The following FBN2 variants were observed in gnomAD, a reference collection of about 807,000 sequenced individuals.
FBN2 encodes the protein fibrillin-2.
A neutral mutation model predicts 355.6 loss-of-function variants in FBN2; 105 were observed. That is an observed-to-expected ratio of 0.30 (90% CI 0.25 to 0.35). The LOEUF (loss-of-function observed/expected upper bound fraction) is 0.35. Ranked by LOEUF, FBN2 falls within the 10% of genes least tolerant of loss-of-function variation. The pLI is 1.00. For missense variants in FBN2, 3,280 were observed against 3,758.7 expected, an observed-to-expected ratio of 0.87 and a Z score of 3.33; for synonymous variants, 1,350 against 1,301.2, an observed-to-expected ratio of 1.04 and a Z score of -0.81.
chr5:128,496,697 T>C (rs1755663597), intron 5 of FBN2, among the ~76,000 whole-genome samples: 1 of 152,052 alleles, frequency 6.6e-6, no homozygotes, highest in Non-Finnish European at 1.5e-5. Flanking sequence ...CATGTTGGAA[T>C]GAGAGAAGTA....
At chr5:128,440,446 G>C (rs1269887115) in intron 7 of FBN2, among the ~76,000 whole-genome samples, 6 of 152,202 alleles carry the variant, frequency 3.9e-5, no homozygotes, top group Non-Finnish European at 8.8e-5. Flanking sequence ...CCTGGCCAGA[G>C]CAGGAGAAAG....
At chr5:128,334,634 G>A in intron 31 of FBN2, 85 bp downstream of exon 31, 1 of 1,425,450 alleles carries the variant, frequency 7.0e-7, no homozygotes, top group Non-Finnish European at 9.9e-7. Flanking sequence ...ACCGCTCTAA[G>A]AGATGCCAGA....
intron 5 of FBN2, among the ~76,000 whole-genome samples, chr5:128,510,408 G>A (rs1294008445): frequency 6.6e-6 from 1 of 152,178 alleles, no homozygotes; most frequent in Non-Finnish European, 1.5e-5. Flanking sequence ...ACCCTTTCAG[G>A]CAGCAAGCTG....
chr5:128,524,702 T>C (rs569923330), intron 4 of FBN2, among the ~76,000 whole-genome samples: 1 of 152,290 alleles, frequency 6.6e-6, no homozygotes, highest in Admixed American at 6.5e-5. Flanking sequence ...GAAAACATCT[T>C]CCTTACACCA....
chr5:128,480,077 C>CTATATATAATATATATATTCTCTCCA (rs1370911725), intron 5 of FBN2, among the ~76,000 whole-genome samples: 1 of 136,900 alleles, frequency 7.3e-6, no homozygotes, highest in African/African-American at 2.7e-5. Context: ...TATATATTCT[C>CTATATATAATATATATATTCTCTCCA]TATATATAAT....
At chr5:128,317,635 T>C (rs1750243052) in intron 36 of FBN2, among the ~76,000 whole-genome samples, 1 of 152,166 alleles carries the variant, frequency 6.6e-6, no homozygotes, top group African/African-American at 2.4e-5. Context: ...GACAATTGTT[T>C]TTTTAAGATC....
At chr5:128,534,532 C>T (rs1756795810) in intron 2 of FBN2, among the ~76,000 whole-genome samples, 1 of 152,136 alleles carries the variant, frequency 6.6e-6, no homozygotes, top group African/African-American at 2.4e-5. Flanking sequence ...CGTCTTGACA[C>T]AAGTGTTATA....
chr5:128,500,851 C>G (rs1056540150), intron 5 of FBN2, among the ~76,000 whole-genome samples: 3 of 151,424 alleles, frequency 2.0e-5, no homozygotes, highest in Non-Finnish European at 4.4e-5. Flanking sequence ...ACATCGCATT[C>G]GAAGAAAAAA....
intron 6 of FBN2, among the ~76,000 whole-genome samples, chr5:128,458,988 CA>C (rs200305012): frequency 2.0e-5 from 3 of 146,816 alleles, no homozygotes; most frequent in Admixed American, 6.8e-5. Flanking sequence ...AAAAACTCTC[CA>C]AAAAAAAATA....
chr5:128,467,291 T>C (rs577044170), intron 5 of FBN2, among the ~76,000 whole-genome samples: 1 of 152,184 alleles, frequency 6.6e-6, no homozygotes, highest in African/African-American at 2.4e-5. Context: ...AGGAATAGAG[T>C]TGACCATTTC....
At chr5:128,288,983 A>C (rs1457483875) in intron 52 of FBN2, 144 bp downstream of exon 52, 1 of 803,096 alleles carries the variant, frequency 1.2e-6, no homozygotes, top group African/African-American at 1.7e-5. Flanking sequence ...GGAAAATGTA[A>C]GACTGGTGAA....
intron 8 of FBN2, among the ~76,000 whole-genome samples, chr5:128,403,202 C>A (rs6886402): frequency 0.12 from 17,351 of 149,220 alleles, 1,192 homozygotes; most frequent in African/African-American, 0.2. Flanking sequence ...AAAAAAAAAA[C>A]CCATATACTG....
At chr5:128,284,624 C>T (rs1289405970) in intron 55 of FBN2, among the ~76,000 whole-genome samples, 1 of 152,186 alleles carries the variant, frequency 6.6e-6, no homozygotes, top group Non-Finnish European at 1.5e-5. Flanking sequence ...TGAACATCCT[C>T]TCACCAAATC....
At chr5:128,282,895 T>C (rs1371655388) in intron 55 of FBN2, among the ~76,000 whole-genome samples, 1 of 152,168 alleles carries the variant, frequency 6.6e-6, no homozygotes, top group Non-Finnish European at 1.5e-5. Context: ...ACAGGCTTCA[T>C]TTCAATGAGA....
rs954619149 is a variant in FBN2 at position 128,259,544 on chromosome 5, T to G, written c.8650A>C (p.Lys2884Gln). 5.0e-6 allele frequency: 8 copies of G among 1,614,080 alleles called. No individual in the cohort carries two copies. ...SIPLYKKKEL[K>Q]KLEESNEDDY... ...TCCTCATTGCTCTCTTCCAGTTTCT[T>G]AAGCTCCTTCTTCTTGTAGAGAGGG... The change falls in exon 65 of 65, where the codon AAG (lysine) becomes CAG (glutamine). Residue 2884 changes from lysine to glutamine, a missense_variant. Around this residue, in one of 6 missense-constraint regions of FBN2, gnomAD observed 311 missense variants for 319.1 expected, o/e 0.97. Coordinates refer to ENST00000262464, the MANE Select transcript of FBN2 (RefSeq NM_001999.4).
chr5:128,440,023 C>T (rs1396814006), intron 7 of FBN2, among the ~76,000 whole-genome samples: 3 of 152,028 alleles, frequency 2.0e-5, no homozygotes, highest in Admixed American at 6.5e-5. Flanking sequence ...TGATCTTTTC[C>T]CTTATTGATT....
chr5:128,305,921 C>T lies in FBN2; in HGVS notation c.5450G>A (p.Gly1817Asp), dbSNP rs775845827. ...VDIDECKEIPGICANGVCINQ... is the reference protein window; with the variant it reads ...VDIDECKEIPDICANGVCINQ... ...AATGCACACACCATTTGCACAAATG[C>T]CTGGAATCTCTTTACATTCATCAAT... The change falls in exon 43 of 65, where the codon GGC becomes GAC. Residue 1817 changes from glycine to aspartate, a missense_variant. Gly to Asp is a moderately conservative substitution (Grantham distance 94). This residue lies in a region of FBN2 where 2,284 missense variants were observed against 2,749.5 expected (regional missense o/e 0.83). Transcript: ENST00000262464. 2 of 1,613,780 alleles carry T rather than the reference C, an allele frequency of 1.2e-6. No homozygotes were observed. Among genetic ancestry groups the T allele is most frequent in the Non-Finnish European group, 1.7e-6 (2 of 1,179,748 alleles).
At chr5:128,534,627 C>T (rs934513281) in intron 2 of FBN2, among the ~76,000 whole-genome samples, 3 of 152,146 alleles carry the variant, frequency 2.0e-5, no homozygotes, top group African/African-American at 7.2e-5. Context: ...AGCTCATAAC[C>T]ATCCAAATAT....
chr5:128,382,560 C>G (rs1752260452), intron 11 of FBN2, among the ~76,000 whole-genome samples: 1 of 152,058 alleles, frequency 6.6e-6, no homozygotes, highest in Non-Finnish European at 1.5e-5. Flanking sequence ...AGCATTAGAG[C>G]TCTATAATTA....
Sources: gnomAD v4.1 joint callset for allele counts (sites outside exome capture counted in the v4.1 genomes callset) on GRCh38, gnomAD v4.1.1 for gene constraint, gnomAD v4.1.1 regional missense constraint, MANE v1.5 for transcripts, NCBI Gene and HGNC (gene_info 2026-07-23, HGNC 2026-07-21) for gene names.